SLCO4A1: variants seen among roughly 807,000 people sequenced by gnomAD.
SLCO4A1 encodes the protein colon organic anion transporter.
In SLCO4A1, 51 loss-of-function variants were observed where a neutral mutation model predicts 64.6. The observed-to-expected ratio is 0.79, with a 90% CI of 0.63 to 1.00. The LOEUF (loss-of-function observed/expected upper bound fraction) is 1.00. SLCO4A1 is among the 50% of genes least tolerant of loss of function. The pLI is 0.00. For missense variants in SLCO4A1, 919 were observed against 980.5 expected (o/e 0.94, Z 0.84); for synonymous variants, 471 against 444.9 (o/e 1.06, Z -0.74).
Position 62,657,010 on chromosome 20 carries a change from G to C in SLCO4A1, c.556G>C (p.Val186Leu), listed in dbSNP as rs780673329. The C allele has an allele frequency of 3.7e-5, 59 of 1,580,636 alleles. No individual in the cohort carries two copies. Among genetic ancestry groups the C allele is most frequent in the African/African-American group, 1.5e-4 (11 of 74,506 alleles). ...GVLLMGTGSL[V>L]FALPHFTAGR... ...GCTGCTTATGGGCACGGGGTCGCTG[G>C]TGTTCGCGCTGCCCCACTTCACGGC... The change falls in exon 2 of 12, where the codon GTG becomes CTG. Residue 186 changes from valine (V) to leucine (L), a missense_variant. Val to Leu is a conservative substitution (Grantham distance 32, BLOSUM62 1). Coordinates refer to ENST00000217159, the MANE Select transcript of SLCO4A1 (RefSeq NM_016354.4).
chr20:62,657,328 G>C lies in SLCO4A1; in HGVS notation c.796+78G>C, dbSNP rs1014949523. 20 of 1,301,060 alleles carry C rather than the reference G, an allele frequency of 1.5e-5. No homozygotes were observed. In the African/African-American group the frequency reaches 2.8e-4, roughly 18 times the overall value. 80.6% of individuals were successfully genotyped at this position (1,301,060 alleles called of 1,614,324 possible). ...GCAGGAGTGAGGGTAACTGGCCGGA[G>C]CCAGCCCCGCCCCCTGCCTTCGTGT... is the stretch of plus-strand genomic sequence containing the variant. On this transcript the variant is annotated intron_variant, in intron 2 of 11. Coordinates refer to ENST00000217159, the MANE Select transcript of SLCO4A1 (RefSeq NM_016354.4).
At chr20:62,671,379 C>T (rs1200555867) in intron 11 of SLCO4A1, among the ~76,000 whole-genome samples, 1 of 152,198 alleles carries the variant, frequency 6.6e-6, no homozygotes, top group East Asian at 1.9e-4. Context: ...GGACACCAGT[C>T]ATTGGATTTG....
At chr20:62,643,820 C>T (rs1187054052) in intron 1 of SLCO4A1, among the ~76,000 whole-genome samples, 10 of 152,284 alleles carry the variant, frequency 6.6e-5, no homozygotes, top group African/African-American at 2.4e-4. Context: ...TGGAATGTGC[C>T]GGGCATGGTA....
At chr20:62,671,703 C>T in intron 11 of SLCO4A1, 47 bp from the exon 12 acceptor site, 1 of 1,578,228 alleles carries the variant, frequency 6.3e-7, no homozygotes, top group South Asian at 1.1e-5. Flanking sequence ...TATCCAAAGG[C>T]TCTGGCCGAG....
intron 1 of SLCO4A1, among the ~76,000 whole-genome samples, chr20:62,652,841 C>T (rs982611671): frequency 6.6e-6 from 1 of 152,208 alleles, no homozygotes; most frequent in African/African-American, 2.4e-5. Flanking sequence ...AACAGCCTCC[C>T]GGCAGTGTCC....
intron 1 of SLCO4A1, among the ~76,000 whole-genome samples, chr20:62,653,522 C>A (rs1020710682): frequency 7.2e-5 from 11 of 152,278 alleles, no homozygotes; most frequent in Non-Finnish European, 1.0e-4. Context: ...ATAGGCCTGT[C>A]CCGGGGCTGG....
chr20:62,661,252 C>A lies in SLCO4A1; in HGVS notation c.1121+77C>A. Reference sequence around the variant, plus strand: ...CCCCATCTTGGGGGAGTCGTTGAGACCCCTCCGGGATCATGATGGGGACGC... The same window carrying A: ...CCCCATCTTGGGGGAGTCGTTGAGAACCCTCCGGGATCATGATGGGGACGC... On this transcript the variant is annotated intron_variant, in intron 5 of 11. Coordinates refer to ENST00000217159, the MANE Select transcript of SLCO4A1 (RefSeq NM_016354.4). This position sits in a 1 kb window ranked among gnomAD's most constrained non-coding sequence, Gnocchi z 5.2. 1 of 1,030,206 alleles carries A rather than the reference C, an allele frequency of 9.7e-7. No homozygotes were observed. The allele number at this position is 1,030,206 out of a possible 1,614,324, so 63.8% of individuals were successfully genotyped here.
At chr20:62,648,101 C>CGGCTGA (rs1478415230) in intron 1 of SLCO4A1, among the ~76,000 whole-genome samples, 1 of 152,246 alleles carries the variant, frequency 6.6e-6, no homozygotes, top group Non-Finnish European at 1.5e-5. Context: ...CATTATCCCC[C>CGGCTGA]GGCTGATCGC....
chr20:62,661,041 C>CCCCCCCCCCCCCCCCA lies in SLCO4A1; in HGVS notation c.1010-23_1010-22insCCCCCCCCCCCCCCCA. On this transcript the variant is annotated intron_variant, in intron 4 of 11. Transcript: ENST00000217159. This position sits in a 1 kb window ranked among gnomAD's most constrained non-coding sequence, Gnocchi z 5.2. ...TCCGGGAGCCCCCAGCCCCCAGCCC[C>CCCCCCCCCCCCCCCCA]AGCTCACTCTGTGCCCTTCCAGGCT... is the stretch of plus-strand genomic sequence containing the variant. 21 of 1,424,128 alleles carry CCCCCCCCCCCCCCCCA rather than the reference C, an allele frequency of 1.5e-5. No homozygotes were observed. The highest frequency in any genetic ancestry group is 1.9e-5 in the Non-Finnish European group (19 of 1,010,126). 88.2% of individuals were successfully genotyped at this position (1,424,128 alleles called of 1,614,324 possible).
intron 1 of SLCO4A1, among the ~76,000 whole-genome samples, chr20:62,648,331 T>C (rs548264871): frequency 2.5e-4 from 38 of 152,266 alleles, no homozygotes; most frequent in African/African-American, 8.7e-4. Context: ...TGTTCTCCCA[T>C]GGACAGAGGC....
intron 1 of SLCO4A1, chr20:62,642,992 C>G: frequency 2.1e-6 from 1 of 470,052 alleles, no homozygotes; most frequent in South Asian, 1.5e-5. Flanking sequence ...CCGCGGAGCT[C>G]CAGAGTTGCG....
At position 62,657,225 on chromosome 20, in the gene SLCO4A1, G is replaced by C. The variant is rs1389164193; in HGVS notation, c.771G>C (p.Lys257Asn). The change falls in exon 2 of 12, where the codon AAG (lysine) becomes AAC (asparagine). Residue 257 changes from lysine (K) to asparagine (N), a missense_variant. Physicochemically the swap from Lys to Asn is moderately conservative, Grantham distance 94. Coordinates refer to ENST00000217159, the MANE Select transcript of SLCO4A1 (RefSeq NM_016354.4). ...LGVTYLDENV[K>N]SSCSPVYIAI... ...TCACCTACCTGGATGAGAACGTCAA[G>C]TCCAGCTGCTCGCCCGTCTACATTG... 2.0e-6 allele frequency: 3 copies of C among 1,537,152 alleles called. No individual in the cohort carries two copies. Among genetic ancestry groups the C allele is most frequent in the Non-Finnish European group, 1.8e-6 (2 of 1,136,816 alleles).
Position 62,671,759 on chromosome 20 carries a change from G to T in SLCO4A1, c.2035G>T (p.Val679Phe). The T allele has an allele frequency of 6.2e-7, 1 of 1,613,314 alleles. No individual in the cohort carries two copies. The highest frequency in any genetic ancestry group is 8.5e-7 in the Non-Finnish European group (1 of 1,179,822). ...IMGLLYKVLG[V>F]LFFAIACFLY... is the part of the protein sequence containing the mutation. ...GCTCCTCTCTCCCCAGGTGCTGGGC[G>T]TCCTCTTCTTTGCCATAGCCTGCTT... Residue 679 changes from valine (V) to phenylalanine (F), a missense_variant, in exon 12 of 12, where the codon GTC (valine) becomes TTC (phenylalanine). Coordinates refer to ENST00000217159, the MANE Select transcript of SLCO4A1 (RefSeq NM_016354.4).
chr20:62,652,615 G>A (rs373193992), intron 1 of SLCO4A1, among the ~76,000 whole-genome samples: 3 of 152,374 alleles, frequency 2.0e-5, no homozygotes, highest in East Asian at 3.9e-4. Context: ...CCTTGGGGAG[G>A]CGTGGAGCAT....
rs764313775 is a variant in SLCO4A1, at chr20:62,671,916, C to T, written c.*23C>T. ...TGACCACCGCCCGCGCCCACCCGGC[C>T]ACGGCGGGCACTCAGCATTTCCTGA... On this transcript the variant is annotated 3_prime_UTR_variant, in exon 12 of 12. Transcript: ENST00000217159. 8.1e-6 allele frequency: 13 copies of T among 1,606,832 alleles called. No homozygotes were observed. Among genetic ancestry groups the T allele is most frequent in the East Asian group, 2.2e-5 (1 of 44,894 alleles).
At chr20:62,666,731 C>T (rs533298891) in intron 7 of SLCO4A1, 156 bp downstream of exon 7, 3 of 658,720 alleles carry the variant, frequency 4.6e-6, no homozygotes, top group East Asian at 2.7e-5. Context: ...AGCAGGGCAC[C>T]CGGCAGCATC....
intron 6 of SLCO4A1, 127 bp from the exon 7 acceptor site, chr20:62,666,253 T>A (rs1220559497): frequency 1.5e-5 from 11 of 734,352 alleles, no homozygotes; most frequent in Non-Finnish European, 2.3e-5. Flanking sequence ...AGTGCTGCCA[T>A]GCAGGCAGGA....
intron 6 of SLCO4A1, chr20:62,665,591 CACCACCGCCAA>C (rs1986018715): frequency 6.5e-6 from 1 of 154,432 alleles, no homozygotes; most frequent in African/African-American, 2.4e-5. Flanking sequence ...GCATGTGGGC[CACCACCGCCAA>C]TCTACCGCGC....
At chr20:62,658,879 T>A in intron 3 of SLCO4A1, 112 bp downstream of exon 3, 1 of 907,336 alleles carries the variant, frequency 1.1e-6, no homozygotes, top group African/African-American at 1.6e-5. Context: ...GCGCAGGTGC[T>A]GGGCACCCCC....
Sources: allele counts gnomAD v4.1 joint callset (sites outside exome capture counted in the v4.1 genomes callset), GRCh38; gene constraint gnomAD v4.1.1; non-coding constraint Gnocchi (gnomAD v3.1); transcripts MANE v1.5; gene names NCBI Gene and HGNC (gene_info 2026-07-23, HGNC 2026-07-21).